The following MIER3 variants were observed in gnomAD, a reference collection of about 807,000 sequenced individuals.
MIER3 encodes MIER family member 3.
MIER3 carries 9 observed loss-of-function variants against 63.2 expected under a neutral mutation model. The observed-to-expected ratio is 0.14, with a 90% CI of 0.09 to 0.25. The LOEUF (loss-of-function observed/expected upper bound fraction) is 0.25. Among genes scored for constraint, MIER3 ranks in the 10% least tolerant of loss-of-function variants. The pLI is 1.00. For missense variants in MIER3, 512 were observed against 666.2 expected, an observed-to-expected ratio of 0.77 and a Z score of 2.55; for synonymous variants, 205 against 224.9, an observed-to-expected ratio of 0.91 and a Z score of 0.79.
At chr5:56,935,812 C>A in intron 5 of MIER3, 61 bp from the exon 6 acceptor site, 1 of 1,258,196 alleles carries the variant, frequency 7.9e-7, no homozygotes, top group South Asian at 1.2e-5. Flanking sequence ...TGGAAGAATG[C>A]CTGTTGTATT....
intron 1 of MIER3, among the ~76,000 whole-genome samples, 194 bp downstream of exon 1, chr5:56,951,900 C>A (rs1579872184): frequency 6.6e-6 from 1 of 150,478 alleles, no homozygotes; most frequent in Non-Finnish European, 1.5e-5. Flanking sequence ...GGAGGGAGAC[C>A]GCTCCCGCGC....
At chr5:56,934,574 C>G (rs1750376729) in intron 7 of MIER3, among the ~76,000 whole-genome samples, 1 of 152,146 alleles carries the variant, frequency 6.6e-6, no homozygotes, top group Admixed American at 6.5e-5. Context: ...ACATCATCAG[C>G]TATGTTTTGC....
intron 3 of MIER3, among the ~76,000 whole-genome samples, chr5:56,946,245 A>G (rs953805653): frequency 2.0e-5 from 3 of 152,334 alleles, no homozygotes; most frequent in Admixed American, 6.5e-5. Context: ...ATTCTGGCTG[A>G]TAAGAAATTT....
Position 56,932,905 on chromosome 5 carries a change from T to A in MIER3, c.747+342A>T, listed in dbSNP as rs530100944. Among the ~76,000 whole-genome samples the A allele has an allele frequency of 1.4e-4, 22 of 152,238 alleles. No homozygotes were observed. In the East Asian group the frequency reaches 2.1e-3, roughly 15 times the overall value. ...TTGAAATTTAGGGAAAAATTTTTTT[T>A]AAAAAGTATAGGATAGACTATACAG... On this transcript the variant is annotated intron_variant, in intron 8 of 12. Coordinates refer to ENST00000381199, the MANE Select transcript of MIER3 (RefSeq NM_001297599.2).
At chr5:56,946,555 G>A (rs1449499771) in intron 3 of MIER3, among the ~76,000 whole-genome samples, 1 of 152,066 alleles carries the variant, frequency 6.6e-6, no homozygotes, top group African/African-American at 2.4e-5. Flanking sequence ...GCTTCTCTCT[G>A]TATCTACTAC....
At chr5:56,938,434 T>C in intron 4 of MIER3, 2 of 467,062 alleles carry the variant, frequency 4.3e-6, no homozygotes, top group South Asian at 3.1e-5. Context: ...ACAACCAGCC[T>C]ACGTTAGAGA....
chr5:56,949,628 C>T (rs1291218541), intron 2 of MIER3, among the ~76,000 whole-genome samples: 1 of 152,154 alleles, frequency 6.6e-6, no homozygotes, highest in Non-Finnish European at 1.5e-5. Context: ...AAATGACAGT[C>T]AAGTGAGGCT....
intron 2 of MIER3, among the ~76,000 whole-genome samples, chr5:56,948,484 C>T (rs1008401508): frequency 4.6e-5 from 7 of 151,902 alleles, no homozygotes; most frequent in Admixed American, 3.9e-4. Context: ...GTCAACATAG[C>T]GAAACCCTGT....
At chr5:56,947,494 C>A (rs1750866213) in intron 2 of MIER3, among the ~76,000 whole-genome samples, 2 of 152,120 alleles carry the variant, frequency 1.3e-5, no homozygotes, top group African/African-American at 4.8e-5. Context: ...CACTAAGATG[C>A]ACACTTCAGG....
At chr5:56,943,183 A>C (rs987727583) in intron 3 of MIER3, among the ~76,000 whole-genome samples, 3 of 152,088 alleles carry the variant, frequency 2.0e-5, no homozygotes, top group African/African-American at 7.2e-5. Context: ...ATGGTGGAAG[A>C]AGCCAAGCTA....
intron 10 of MIER3, chr5:56,925,263 G>A: frequency 2.3e-6 from 1 of 436,036 alleles, no homozygotes; most frequent in South Asian, 1.7e-5. Context: ...AGCTAATGCA[G>A]TAAGACAAGA....
Position 56,923,352 on chromosome 5 carries a change from T to C in MIER3, c.1429A>G (p.Arg477Gly), listed in dbSNP as rs1749770146. ...PMNMCSEESE[R>G]PAKRLKMGIA... Reference sequence around the variant, plus strand: ...CCCATTTTCAATCTTTTTGCTGGTCTCTCTGACTCTTCACTGCACATGTTC... The same window carrying C: ...CCCATTTTCAATCTTTTTGCTGGTCCCTCTGACTCTTCACTGCACATGTTC... Residue 477 changes from arginine (R) to glycine (G), a missense_variant, in exon 13 of 13, where the codon AGA becomes GGA. Physicochemically the swap from Arg to Gly is moderately radical, Grantham distance 125. Around this residue, in one of 5 missense-constraint regions of MIER3, gnomAD observed 218 missense variants for 251.2 expected, o/e 0.87. Transcript: ENST00000381199. The C allele has an allele frequency of 6.2e-7, 1 of 1,614,208 alleles. No individual in the cohort carries two copies. The highest frequency in any genetic ancestry group is 8.5e-7 in the Non-Finnish European group (1 of 1,180,036).
At chr5:56,950,708 G>A in intron 1 of MIER3, 56 bp from the exon 2 acceptor site, 1 of 1,603,032 alleles carries the variant, frequency 6.2e-7, no homozygotes, top group South Asian at 1.1e-5. Context: ...GAAAGAGGCA[G>A]CGCCGGCAAC....
At chr5:56,941,163 C>G (rs1010007748) in intron 3 of MIER3, 6 of 985,042 alleles carry the variant, frequency 6.1e-6, no homozygotes, top group Admixed American at 6.1e-5. Context: ...GAGTAAGTCT[C>G]AAAGTCTGTA....
intron 2 of MIER3, among the ~76,000 whole-genome samples, chr5:56,948,637 C>A (rs1191259495): frequency 6.6e-6 from 1 of 152,046 alleles, no homozygotes; most frequent in African/African-American, 2.4e-5. Context: ...CCACTGCACT[C>A]CAGCCTGAGC....
At chr5:56,928,541 C>A in intron 10 of MIER3, 1 of 335,760 alleles carries the variant, frequency 3.0e-6, no homozygotes, top group Non-Finnish European at 5.4e-6. Context: ...AGTGAGTCCA[C>A]TTTCTGTGTC....
chr5:56,946,931 C>T lies in MIER3; in HGVS notation c.175G>A (p.Glu59Lys). Residue 59 changes from glutamate to lysine, a missense_variant, in exon 3 of 13, where the codon GAA becomes AAA. Transcript: ENST00000381199. ...TATTAAAGTAAATCTTATACCTTTT[C>T]TAAGTCTTCAATTTCTGAACTGAAG... Reference protein sequence around the residue: ...KNFSSEIEDLEKEGTMPLEDL... With the variant: ...KNFSSEIEDLKKEGTMPLEDL... 6.4e-7 allele frequency: 1 copy of T among 1,573,938 alleles called. No homozygotes were observed. Among genetic ancestry groups the T allele is most frequent in the Non-Finnish European group, 8.6e-7 (1 of 1,162,718 alleles).
intron 4 of MIER3, chr5:56,938,389 G>A (rs370619243): frequency 3.0e-4 from 140 of 470,434 alleles, no homozygotes; most frequent in African/African-American, 2.3e-3. Flanking sequence ...GGCCATGGCC[G>A]TGTGAATTTT....
At chr5:56,925,969 C>T (rs972071244) in intron 10 of MIER3, among the ~76,000 whole-genome samples, 4 of 151,782 alleles carry the variant, frequency 2.6e-5, no homozygotes, top group African/African-American at 9.7e-5. Flanking sequence ...GATCTTTAAC[C>T]AAAGAACAAA....
Sources: gnomAD v4.1 joint callset for allele counts (sites outside exome capture counted in the v4.1 genomes callset) on GRCh38, gnomAD v4.1.1 for gene constraint, gnomAD v4.1.1 regional missense constraint, MANE v1.5 for transcripts, NCBI Gene and HGNC (gene_info 2026-07-23, HGNC 2026-07-21) for gene names.